The following LY86 variants were observed in gnomAD, a reference collection of about 807,000 sequenced individuals.
LY86 encodes the protein lymphocyte antigen 86.
Under a neutral mutation model 17.3 loss-of-function variants are expected in LY86, and 20 were observed. That is an observed-to-expected ratio of 1.15 (90% CI 0.81 to 1.68). LY86 has a LOEUF of 1.68. Ranked by LOEUF, LY86 falls within the 40% of genes most tolerant of loss-of-function variation. LY86 has a pLI of 0.00. For synonymous variants in LY86, 74 were observed against 70.6 expected, an observed-to-expected ratio of 1.05 and a Z score of -0.24; for missense variants, 200 against 191.9, an observed-to-expected ratio of 1.04 and a Z score of -0.25.
intron 1 of LY86, among the ~76,000 whole-genome samples, chr6:6,606,253 C>T (rs988895995): frequency 3.3e-5 from 5 of 152,306 alleles, no homozygotes; most frequent in African/African-American, 1.2e-4. Flanking sequence ...AAAGGTTCTC[C>T]AAGGCCCCAC....
intron 1 of LY86, among the ~76,000 whole-genome samples, chr6:6,612,422 TA>T (rs2113119040): frequency 6.6e-6 from 1 of 152,258 alleles, no homozygotes; most frequent in South Asian, 2.1e-4. Flanking sequence ...ACTGGCCTCA[TA>T]AAAGAAACCG....
intron 3 of LY86, 22 bp downstream of exon 3, chr6:6,626,443 C>T (rs1761790601): frequency 6.2e-7 from 1 of 1,612,466 alleles, no homozygotes; most frequent in Non-Finnish European, 8.5e-7. Flanking sequence ...GTCTTGCTCA[C>T]TGCTGGCAGG....
chr6:6,653,735 A>G (rs1458105897), intron 4 of LY86, among the ~76,000 whole-genome samples: 2 of 152,104 alleles, frequency 1.3e-5, no homozygotes, highest in Admixed American at 6.5e-5. Context: ...TTCTCCTTCC[A>G]GTTGCTCAGG....
chr6:6,611,815 C>T (rs9405948), intron 1 of LY86, among the ~76,000 whole-genome samples: 41,314 of 152,102 alleles, frequency 0.27, 5,908 homozygotes, highest in East Asian at 0.45. Flanking sequence ...ACAATCGGAC[C>T]GATAAAATAG....
chr6:6,605,359 T>C (rs377749492), intron 1 of LY86, among the ~76,000 whole-genome samples: 16 of 152,370 alleles, frequency 1.1e-4, no homozygotes, highest in African/African-American at 3.8e-4. Context: ...TAGTCAATTC[T>C]AGGCTTGGCT....
chr6:6,597,993 C>T (rs1181639163), intron 1 of LY86, among the ~76,000 whole-genome samples: 1 of 152,226 alleles, frequency 6.6e-6, no homozygotes, highest in Non-Finnish European at 1.5e-5. Flanking sequence ...GCTTCCTAAC[C>T]ATTAGAATCC....
intron 1 of LY86, among the ~76,000 whole-genome samples, chr6:6,602,062 C>A (rs574145008): frequency 1.2e-4 from 18 of 152,340 alleles, no homozygotes; most frequent in African/African-American, 4.3e-4. Flanking sequence ...TGCCACCTGA[C>A]CCTACCACCT....
intron 1 of LY86, among the ~76,000 whole-genome samples, chr6:6,599,194 C>A (rs970024547): frequency 6.6e-6 from 1 of 152,188 alleles, no homozygotes; most frequent in Non-Finnish European, 1.5e-5. Context: ...TGGGACATGA[C>A]CCAATTTCCT....
intron 3 of LY86, among the ~76,000 whole-genome samples, chr6:6,637,700 C>T (rs980161049): frequency 2.6e-5 from 4 of 152,162 alleles, no homozygotes; most frequent in African/African-American, 9.6e-5. Context: ...TGTGTGAGCC[C>T]GGAGCCCCCC....
At chr6:6,605,388 A>C (rs1213854801) in intron 1 of LY86, among the ~76,000 whole-genome samples, 1 of 152,262 alleles carries the variant, frequency 6.6e-6, no homozygotes, top group Non-Finnish European at 1.5e-5. Flanking sequence ...AGCTGCTTCC[A>C]AACTCATGTG....
At chr6:6,615,757 T>C (rs970371748) in intron 1 of LY86, among the ~76,000 whole-genome samples, 5 of 147,408 alleles carry the variant, frequency 3.4e-5, no homozygotes. Flanking sequence ...ACAGGCACAG[T>C]GGACCACATC....
intron 2 of LY86, 22 bp from the exon 3 acceptor site, chr6:6,626,271 G>A (rs193221220): frequency 1.9e-6 from 3 of 1,612,664 alleles, no homozygotes; most frequent in Non-Finnish European, 2.5e-6. Context: ...TAAGAGTAAA[G>A]CTGTTCTTCT....
intron 1 of LY86, among the ~76,000 whole-genome samples, chr6:6,616,828 A>G (rs914927031): frequency 6.6e-6 from 1 of 152,220 alleles, no homozygotes; most frequent in Non-Finnish European, 1.5e-5. Context: ...AGTCACGTAA[A>G]CCACCCTGTG....
chr6:6,648,574 G>T (rs1228690665), intron 3 of LY86, among the ~76,000 whole-genome samples: 1 of 152,152 alleles, frequency 6.6e-6, no homozygotes. Flanking sequence ...TGGCTCAAAT[G>T]CTACCTCCTT....
chr6:6,623,728 C>T (rs755741093), intron 1 of LY86, among the ~76,000 whole-genome samples: 88 of 152,320 alleles, frequency 5.8e-4, no homozygotes, highest in Non-Finnish European at 1.2e-3. Flanking sequence ...GAAAACACTC[C>T]TAAAGTACAA....
At chr6:6,603,729 T>C in intron 1 of LY86, among the ~76,000 whole-genome samples, 1 of 151,952 alleles carries the variant, frequency 6.6e-6, no homozygotes, top group Admixed American at 6.5e-5. Flanking sequence ...GAACTTAGGC[T>C]TTAATGGCTG....
intron 1 of LY86, among the ~76,000 whole-genome samples, chr6:6,606,016 A>G (rs4265064): frequency 0.9 from 137,478 of 152,012 alleles, 62,211 homozygotes; most frequent in Middle Eastern, 0.98. Flanking sequence ...AAAGAACAAA[A>G]CTTCCACAGC....
chr6:6,609,070 C>G (rs982530296), intron 1 of LY86, among the ~76,000 whole-genome samples: 9 of 152,184 alleles, frequency 5.9e-5, no homozygotes, highest in Non-Finnish European at 1.0e-4. Flanking sequence ...AGAGACCAAG[C>G]CAACCGCAGC....
In LY86 at chr6:6,654,842, G is replaced by A. The variant is rs945971816; in HGVS notation, c.*215G>A. 1 of 549,686 alleles carries A rather than the reference G, an allele frequency of 1.8e-6. No homozygotes were observed. The highest frequency in any genetic ancestry group is 3.2e-6 in the Non-Finnish European group (1 of 310,478). 34.1% of individuals were successfully genotyped at this position (549,686 alleles called of 1,614,324 possible). On this transcript the variant is annotated 3_prime_UTR_variant, in exon 5 of 5. Transcript: ENST00000230568. Reference sequence around the variant, plus strand: ...AGTCCCCGAATGTATCTGTTTCTAAGGAGCCTCTTGGCAGTCCTTAAGCAG... The same window carrying A: ...AGTCCCCGAATGTATCTGTTTCTAAAGAGCCTCTTGGCAGTCCTTAAGCAG...
Sources: allele counts gnomAD v4.1 joint callset (sites outside exome capture counted in the v4.1 genomes callset), GRCh38; gene constraint gnomAD v4.1.1; transcripts MANE v1.5; gene names NCBI Gene and HGNC (gene_info 2026-07-23, HGNC 2026-07-21).